The following RANGAP1 variants were observed in gnomAD, a reference collection of about 807,000 sequenced individuals.
RANGAP1 encodes Ran GTPase activating protein 1.
A neutral mutation model predicts 63.5 loss-of-function variants in RANGAP1; 38 were observed. That is an observed-to-expected ratio of 0.60 (90% CI 0.46 to 0.78). The LOEUF (loss-of-function observed/expected upper bound fraction) is 0.78. RANGAP1 is among the 30% of genes least tolerant of loss of function. The probability of loss-of-function intolerance (pLI) is 0.00; values close to 1 mark genes in which losing one functional copy is unlikely to be tolerated. For synonymous variants in RANGAP1, 329 were observed against 310.5 expected, an observed-to-expected ratio of 1.06 and a Z score of -0.63; for missense variants, 630 against 740.3, an observed-to-expected ratio of 0.85 and a Z score of 1.73.
intron 4 of RANGAP1, among the ~76,000 whole-genome samples, chr22:41,267,641 C>T (rs926604852): frequency 6.6e-6 from 1 of 152,140 alleles, no homozygotes; most frequent in Non-Finnish European, 1.5e-5. Flanking sequence ...CCACCCATGA[C>T]GGGCACAAAC....
intron 3 of RANGAP1, among the ~76,000 whole-genome samples, chr22:41,271,715 G>C (rs1227411812): frequency 6.6e-6 from 1 of 151,384 alleles, no homozygotes; most frequent in Non-Finnish European, 1.5e-5. Flanking sequence ...AAAAGAGCTT[G>C]GGCTGACACC....
chr22:41,289,428 C>G (rs1377158005), upstream of RANGAP1, among the ~76,000 whole-genome samples: 1 of 151,780 alleles, frequency 6.6e-6, no homozygotes, highest in Non-Finnish European at 1.5e-5. Context: ...TCGAGACCAG[C>G]CTGGCCAACA....
chr22:41,266,120 T>A (rs1018401509), intron 4 of RANGAP1, among the ~76,000 whole-genome samples: 17 of 150,804 alleles, frequency 1.1e-4, no homozygotes, highest in African/African-American at 4.2e-4. Flanking sequence ...GAGAATGGCA[T>A]GAACCCGGGA....
At chr22:41,268,883 C>T (rs2034636788) in intron 3 of RANGAP1, among the ~76,000 whole-genome samples, 1 of 152,184 alleles carries the variant, frequency 6.6e-6, no homozygotes, top group South Asian at 2.1e-4. Context: ...GGTAAAACCC[C>T]TTCTCTACAA....
At chr22:41,286,434 C>T (rs2035752531), upstream of RANGAP1, among the ~76,000 whole-genome samples, 1 of 152,234 alleles carries the variant, frequency 6.6e-6, no homozygotes, top group African/African-American at 2.4e-5. Context: ...GGCTCTTTCT[C>T]GCAGAGACCG....
At chr22:41,289,524 G>A (rs1401855776), upstream of RANGAP1, among the ~76,000 whole-genome samples, 2 of 152,040 alleles carry the variant, frequency 1.3e-5, no homozygotes, top group Admixed American at 1.3e-4. Context: ...TCGGGAGGCT[G>A]GGGCAGGAGA....
upstream of RANGAP1, among the ~76,000 whole-genome samples, chr22:41,290,957 G>C (rs2035831694): frequency 6.6e-6 from 1 of 152,178 alleles, no homozygotes; most frequent in Non-Finnish European, 1.5e-5. Context: ...CCACCTGCAG[G>C]GCAAGGCAGC....
chr22:41,255,665 G>A (rs955701711), intron 10 of RANGAP1, among the ~76,000 whole-genome samples: 2 of 151,844 alleles, frequency 1.3e-5, no homozygotes, highest in Admixed American at 6.6e-5. Context: ...CTGTTGAACG[G>A]ACAACTCATT....
At chr22:41,297,857 A>AT in the RANGAP1 span, among the ~76,000 whole-genome samples, 20 of 144,550 alleles carry the variant, frequency 1.4e-4, no homozygotes, top group South Asian at 8.9e-4. Context: ...CGCCCAGCTA[A>AT]TTTTTTTTTT....
chr22:41,275,523 G>A (rs1403030428), intron 2 of RANGAP1, among the ~76,000 whole-genome samples: 3 of 152,042 alleles, frequency 2.0e-5, no homozygotes, highest in African/African-American at 7.2e-5. Context: ...GCATACGCCT[G>A]TAATCCCAGC....
intron 12 of RANGAP1, 92 bp from the exon 13 acceptor site, chr22:41,251,201 A>G: frequency 1.0e-6 from 1 of 980,108 alleles, no homozygotes; most frequent in Non-Finnish European, 1.6e-6. Flanking sequence ...GGGCAGTACA[A>G]AGGCCCCTGG....
At chr22:41,280,727 A>G (rs1349930942) in intron 2 of RANGAP1, 1 of 1,509,372 alleles carries the variant, frequency 6.6e-7, no homozygotes, top group East Asian at 2.6e-5. Context: ...GGGATGCCCA[A>G]TACAAACATG....
In RANGAP1 at chr22:41,256,262, T is replaced by C; in HGVS notation, c.917A>G (p.Lys306Arg). ...KELNLSFCEIKRDAALAVAEA... is the reference protein window; with the variant it reads ...KELNLSFCEIRRDAALAVAEA... ...AGCAACAGCCAGGGCAGCATCCCTC[T>C]TGATTTCACAGAATGACAAGTTCAG... Residue 306 changes from lysine to arginine, a missense_variant, in exon 9 of 16, where the codon AAG (lysine) becomes AGG (arginine). Lys to Arg is a conservative substitution (Grantham distance 26, BLOSUM62 2). Coordinates refer to ENST00000356244, the MANE Select transcript of RANGAP1 (RefSeq NM_002883.4). 1.2e-6 allele frequency: 2 copies of C among 1,614,108 alleles called. No homozygotes were observed. The highest frequency in any genetic ancestry group is 1.3e-5 in the African/African-American group (1 of 75,016).
Position 41,247,591 on chromosome 22 carries a change from A to G in RANGAP1, c.1695-919T>C, listed in dbSNP as rs192960460. Among the ~76,000 whole-genome samples the G allele has an allele frequency of 5.3e-5, 8 of 152,286 alleles. No individual in the cohort carries two copies. The East Asian group carries it at 1.5e-3, about 29-fold the overall frequency. On this transcript the variant is annotated intron_variant, in intron 15 of 15. Transcript: ENST00000356244. Reference sequence around the variant, plus strand: ...GGCCTTGAACTCCCGGGCTCAAGTGATCCAGTTGCCTCAGCTTCCCAAAGT... The same window carrying G: ...GGCCTTGAACTCCCGGGCTCAAGTGGTCCAGTTGCCTCAGCTTCCCAAAGT...
At position 41,284,296 on chromosome 22, in the gene RANGAP1, G is replaced by A. The variant is rs146523009; in HGVS notation, c.-39+1690C>T. On this transcript the variant is annotated intron_variant, in intron 1 of 15. Transcript: ENST00000356244. ...AATAAAAATTAACCAGGCCGGGTGC[G>A]GTAGCTCACGCCTATAATCTCAGCA... 7.2e-3 allele frequency among the ~76,000 whole-genome samples: 1,099 copies of A among 151,816 alleles called. 11 individuals are homozygous for A. The highest frequency in any genetic ancestry group is 0.025 in the African/African-American group (1,054 of 41,406).
chr22:41,298,257 T>C, the RANGAP1 span, among the ~76,000 whole-genome samples: 1 of 152,132 alleles, frequency 6.6e-6, no homozygotes, highest in Non-Finnish European at 1.5e-5. Flanking sequence ...CGCCTTGGCC[T>C]CCCAAAGTGC....
At chr22:41,284,089 T>C (rs1435781800) in intron 1 of RANGAP1, among the ~76,000 whole-genome samples, 2 of 149,580 alleles carry the variant, frequency 1.3e-5, no homozygotes, top group Admixed American at 1.3e-4. Flanking sequence ...CCACTAAAAA[T>C]ACAAAAAATT....
At chr22:41,285,202 G>A (rs1393653684) in intron 1 of RANGAP1, 1 of 152,204 alleles carries the variant, frequency 6.6e-6, no homozygotes, top group Admixed American at 6.6e-5. Flanking sequence ...AAATTAACCT[G>A]AAACCCCAGC....
intron 6 of RANGAP1, among the ~76,000 whole-genome samples, chr22:41,259,613 A>G (rs953203832): frequency 2.6e-5 from 4 of 152,218 alleles, no homozygotes; most frequent in Admixed American, 6.5e-5. Flanking sequence ...TGATGTAGTG[A>G]GAAATATTTC....
Sources: gnomAD v4.1 joint callset for allele counts (sites outside exome capture counted in the v4.1 genomes callset) on GRCh38, gnomAD v4.1.1 for gene constraint, MANE v1.5 for transcripts, NCBI Gene and HGNC (gene_info 2026-07-23, HGNC 2026-07-21) for gene names.